WFDC3: variants seen among roughly 807,000 people sequenced by gnomAD.
WFDC3 encodes WAP four-disulfide core domain 3, also known as WAP four-disulfide core domain protein 3.
WFDC3 carries 15 observed loss-of-function variants against 25.8 expected under a neutral mutation model. The observed-to-expected ratio is 0.58, with a 90% confidence interval of 0.39 to 0.89. The LOEUF is 0.89. Among genes scored for constraint, WFDC3 ranks in the 40% least tolerant of loss-of-function variants. The probability of loss-of-function intolerance (pLI) is 0.00; values close to 1 mark genes in which losing one functional copy is unlikely to be tolerated. For missense variants in WFDC3, 264 were observed against 289.8 expected, an observed-to-expected ratio of 0.91 and a Z score of 0.65; for synonymous variants, 103 against 107.1, an observed-to-expected ratio of 0.96 and a Z score of 0.24.
intron 4 of WFDC3, among the ~76,000 whole-genome samples, chr20:45,787,439 C>CGCCA (rs1450030437): frequency 1.3e-5 from 2 of 151,508 alleles, no homozygotes; most frequent in African/African-American, 4.8e-5. Context: ...TACAGGCACC[C>CGCCA]GCCACCACGC....
At chr20:45,786,550 T>C (rs1484218675) in intron 4 of WFDC3, among the ~76,000 whole-genome samples, 1 of 152,216 alleles carries the variant, frequency 6.6e-6, no homozygotes, top group Non-Finnish European at 1.5e-5. Flanking sequence ...ATGAGCTCCA[T>C]GAAAGCGGGC....
At position 45,777,159 on chromosome 20, in the gene WFDC3, A is replaced by G. The variant is rs952162589; in HGVS notation, c.409T>C (p.Cys137Arg). 6.2e-7 allele frequency: 1 copy of G among 1,604,066 alleles called. No individual in the cohort carries two copies. The highest frequency in any genetic ancestry group is 1.3e-5 in the African/African-American group (1 of 74,374). The change falls in exon 5 of 7, where the codon TGT becomes CGT. Residue 137 changes from cysteine (C) to arginine (R), a missense_variant. Cys to Arg is a radical substitution (Grantham distance 180). Coordinates refer to ENST00000243938, the MANE Select transcript of WFDC3 (RefSeq NM_080614.2). ...TGGGGACAGGATGCATCCCCATCAC[A>G]CAGCTCCTCACACGGAAGGGGGTCA... is the stretch of plus-strand genomic sequence containing the variant. Reference protein sequence around the residue: ...PADPLPCEELCDGDASCPQGH... With the variant: ...PADPLPCEELRDGDASCPQGH...
At chr20:45,790,965 T>C (rs751620847) in intron 1 of WFDC3, 1 of 469,540 alleles carries the variant, frequency 2.1e-6, no homozygotes, top group Non-Finnish European at 4.4e-6. Context: ...TCTTTTTTTC[T>C]TTATCTGTCC....
chr20:45,776,643 T>A (rs1233021179), intron 5 of WFDC3, among the ~76,000 whole-genome samples: 57 of 105,028 alleles, frequency 5.4e-4, no homozygotes, highest in Middle Eastern at 5.0e-3. Flanking sequence ...AAAATATATA[T>A]ATATATATAT....
At chr20:45,783,711 T>G (rs1209210772) in intron 4 of WFDC3, among the ~76,000 whole-genome samples, 1 of 152,030 alleles carries the variant, frequency 6.6e-6, no homozygotes, top group Non-Finnish European at 1.5e-5. Context: ...GCAACCTGAC[T>G]GAACCTCCAC....
At chr20:45,782,300 T>C (rs1692433345) in intron 4 of WFDC3, among the ~76,000 whole-genome samples, 1 of 152,200 alleles carries the variant, frequency 6.6e-6, no homozygotes, top group Non-Finnish European at 1.5e-5. Context: ...CCATTAATTC[T>C]ACCTTCACAA....
At chr20:45,790,506 C>A (rs1192261356) in intron 1 of WFDC3, among the ~76,000 whole-genome samples, 2 of 152,210 alleles carry the variant, frequency 1.3e-5, no homozygotes, top group Non-Finnish European at 2.9e-5. Context: ...GGGCAGATCA[C>A]CTGAGGTCAG....
rs747376092 is a variant in WFDC3, at chr20:45,789,967, T to TA, written c.8dup (p.Leu3PhefsTer35). 13 of 1,614,098 alleles carry TA rather than the reference T, an allele frequency of 8.1e-6. No homozygotes were observed. In the East Asian group the frequency reaches 2.7e-4, roughly 33 times the overall value. On this transcript the variant is annotated frameshift_variant, in exon 2 of 7. Coordinates refer to ENST00000243938, the MANE Select transcript of WFDC3 (RefSeq NM_080614.2). LOFTEE classifies it high-confidence loss of function. ...GTGCCTTCAGAAGAAAGAGGCAGCT[T>TA]AACATCATGATGATGCTGAGAGTTG...
Position 45,774,442 on chromosome 20 carries a change from T to C in WFDC3, c.682A>G (p.Ile228Val), listed in dbSNP as rs774933598. The C allele has an allele frequency of 6.2e-7, 1 of 1,614,076 alleles. No individual in the cohort carries two copies. Among genetic ancestry groups the C allele is most frequent in the South Asian group, 1.1e-5 (1 of 91,080 alleles). ...AATCAGCACAGCTAGGGCACCGGGA[T>C]CTCTGCAAGTAGAAGAAACATCAAG... ...WTVRSDSELE[I>V]PVP Residue 228 changes from isoleucine (I) to valine (V), a missense_variant and splice_region_variant, in exon 7 of 7, where the codon ATC (isoleucine) becomes GTC (valine). Transcript: ENST00000243938.
Position 45,787,941 on chromosome 20 carries a change from A to G in WFDC3, c.253T>C (p.Cys85Arg), listed in dbSNP as rs368331986. ...TCATCAGTGATGCACCTTTTCAAAC[A>G]GGATTGTTTCCGAATAACCCTAGGG... ...DCPRVIRKQS[C>R]LKRCITDETC... The change falls in exon 4 of 7, where the codon TGT becomes CGT. Residue 85 changes from cysteine to arginine, a missense_variant. Physicochemically the swap from Cys to Arg is radical, Grantham distance 180. Coordinates refer to ENST00000243938, the MANE Select transcript of WFDC3 (RefSeq NM_080614.2). 98 of 1,613,974 alleles carry G rather than the reference A, an allele frequency of 6.1e-5. No individual in the cohort carries two copies. Among genetic ancestry groups the G allele is most frequent in the Non-Finnish European group, 7.9e-5 (93 of 1,180,000 alleles).
chr20:45,774,395 A>C lies in WFDC3; in HGVS notation c.*33T>G. 6.2e-7 allele frequency: 1 copy of C among 1,614,096 alleles called. No homozygotes were observed. On this transcript the variant is annotated 3_prime_UTR_variant, in exon 7 of 7. Coordinates refer to ENST00000243938, the MANE Select transcript of WFDC3 (RefSeq NM_080614.2). ...TTGACTGCCAGGAAAAGCTTCCAGA[A>C]TTACCAAAGAAGCTCCAGACAAATC...
chr20:45,777,773 A>C (rs1293341791), intron 4 of WFDC3, among the ~76,000 whole-genome samples: 2 of 152,182 alleles, frequency 1.3e-5, no homozygotes, highest in Non-Finnish European at 2.9e-5. Context: ...CTCCCGCCTG[A>C]GCCTCCCAAA....
At chr20:45,777,796 C>T (rs1980261051) in intron 4 of WFDC3, among the ~76,000 whole-genome samples, 1 of 152,208 alleles carries the variant, frequency 6.6e-6, no homozygotes, top group Non-Finnish European at 1.5e-5. Flanking sequence ...GCCAGGATTA[C>T]AGGCGTGAGC....
intron 4 of WFDC3, among the ~76,000 whole-genome samples, chr20:45,779,146 G>T (rs531672741): frequency 1.1e-4 from 16 of 152,292 alleles, no homozygotes; most frequent in African/African-American, 3.8e-4. Context: ...GCAGGCAACT[G>T]GCCAGGGCCC....
chr20:45,788,861 C>G, intron 3 of WFDC3, 70 bp downstream of exon 3: 2 of 1,530,774 alleles, frequency 1.3e-6, no homozygotes, highest in Non-Finnish European at 1.8e-6. Flanking sequence ...GTGGGAAGCT[C>G]TCTACTTCCA....
chr20:45,779,182 C>T (rs1190071582), intron 4 of WFDC3, among the ~76,000 whole-genome samples: 1 of 152,204 alleles, frequency 6.6e-6, no homozygotes, highest in East Asian at 1.9e-4. Context: ...CCAAAGAAGG[C>T]CACATCCAAA....
rs766263778 is a variant in WFDC3, at chr20:45,788,969, G to A, written c.173C>T (p.Thr58Ile). ...TCGGCAGATCCGACCACAGCCTGTG[G>A]TGCAGCACTTCTGTTCAGCCGGACA... is the stretch of plus-strand genomic sequence containing the variant. ...ELCPAEQKCC[T>I]TGCGRICRDI... is the part of the protein sequence containing the mutation. The change falls in exon 3 of 7, where the codon ACC (threonine) becomes ATC (isoleucine). Residue 58 changes from threonine to isoleucine, a missense_variant. Thr to Ile is a moderately conservative substitution (Grantham distance 89). Transcript: ENST00000243938. 5 of 1,613,614 alleles carry A rather than the reference G, an allele frequency of 3.1e-6. No individual in the cohort carries two copies. The highest frequency in any genetic ancestry group is 2.2e-5 in the South Asian group (2 of 91,020).
At chr20:45,778,093 G>C (rs1980278999) in intron 4 of WFDC3, among the ~76,000 whole-genome samples, 1 of 152,162 alleles carries the variant, frequency 6.6e-6, no homozygotes, top group South Asian at 2.1e-4. Context: ...TGTAAGCAGA[G>C]CCTTGATAAG....
rs1309571866 is a variant in WFDC3 at position 45,774,461 on chromosome 20, C to T, written c.680-17G>A. ...CCGGGATCTCTGCAAGTAGAAGAAACATCAAGTCACAGCTGTGCCCTCCTG... is the reference window on the plus strand; with the variant it reads ...CCGGGATCTCTGCAAGTAGAAGAAATATCAAGTCACAGCTGTGCCCTCCTG... On this transcript the variant is annotated splice_polypyrimidine_tract_variant and intron_variant, in intron 6 of 6. Transcript: ENST00000243938. 2 of 1,614,090 alleles carry T rather than the reference C, an allele frequency of 1.2e-6. No homozygotes were observed. Among genetic ancestry groups the T allele is most frequent in the Admixed American group, 3.3e-5 (2 of 60,012 alleles).
Sources: allele counts gnomAD v4.1 joint callset (sites outside exome capture counted in the v4.1 genomes callset), GRCh38; gene constraint gnomAD v4.1.1; transcripts MANE v1.5; gene names NCBI Gene and HGNC (gene_info 2026-07-23, HGNC 2026-07-21).